FSTL5: variants seen among roughly 807,000 people sequenced by gnomAD.
FSTL5 encodes the protein follistatin-related protein 5.
FSTL5 carries 62 observed loss-of-function variants against 89.1 expected under a neutral mutation model. The observed-to-expected ratio is 0.70, with a 90% confidence interval of 0.57 to 0.86. The LOEUF (loss-of-function observed/expected upper bound fraction) is 0.86, where lower values mean the gene tolerates loss of function less well. Among genes scored for constraint, FSTL5 ranks in the 40% least tolerant of loss-of-function variants. The probability of loss-of-function intolerance (pLI) is 0.00; values close to 1 mark genes in which losing one functional copy is unlikely to be tolerated. For synonymous variants in FSTL5, 383 were observed against 346.2 expected (o/e 1.11, Z -1.18); for missense variants, 1,057 against 1,001.6 (o/e 1.06, Z -0.75).
intron 1 of FSTL5, among the ~76,000 whole-genome samples, chr4:162,119,921 C>T (rs541974541): frequency 6.6e-6 from 1 of 152,220 alleles, no homozygotes; most frequent in Non-Finnish European, 1.5e-5. Context: ...TTTTTCAATG[C>T]AGTGCTCCAT....
intron 2 of FSTL5, among the ~76,000 whole-genome samples, chr4:162,099,665 A>G (rs1262757277): frequency 6.6e-6 from 1 of 152,218 alleles, no homozygotes; most frequent in African/African-American, 2.4e-5. Context: ...AATATTTACA[A>G]AAGATATATC....
At chr4:162,076,303 G>A (rs1325539770) in intron 2 of FSTL5, among the ~76,000 whole-genome samples, 2 of 151,892 alleles carry the variant, frequency 1.3e-5, no homozygotes, top group African/African-American at 2.4e-5. Flanking sequence ...TGTGAGCTAA[G>A]CATTAATTGC....
At chr4:161,563,977 G>A (rs912241809) in intron 8 of FSTL5, among the ~76,000 whole-genome samples, 11 of 151,664 alleles carry the variant, frequency 7.3e-5, no homozygotes, top group Non-Finnish European at 1.0e-4. Flanking sequence ...ATGCTTATGC[G>A]TTAAAATATT....
chr4:161,936,925 G>T (rs1387620993), intron 3 of FSTL5, among the ~76,000 whole-genome samples: 2 of 152,106 alleles, frequency 1.3e-5, no homozygotes, highest in Non-Finnish European at 2.9e-5. Flanking sequence ...CCCTAAAAAT[G>T]ATTCACCCAG....
chr4:161,929,660 C>CGTGTGTGT (rs765281533), intron 3 of FSTL5, among the ~76,000 whole-genome samples: 1,457 of 126,876 alleles, frequency 0.011, 15 homozygotes, highest in South Asian at 0.019. Flanking sequence ...TAGGTAGGCA[C>CGTGTGTGT]GTGTGTGTGT....
intron 3 of FSTL5, among the ~76,000 whole-genome samples, chr4:161,953,427 A>G (rs959325161): frequency 6.6e-6 from 1 of 151,638 alleles, no homozygotes; most frequent in Non-Finnish European, 1.5e-5. Flanking sequence ...CCTGGAAAAA[A>G]ATACTATAAA....
At chr4:161,771,476 G>T (rs1381621012) in intron 5 of FSTL5, among the ~76,000 whole-genome samples, 1 of 152,030 alleles carries the variant, frequency 6.6e-6, no homozygotes, top group Non-Finnish European at 1.5e-5. Flanking sequence ...AAGTAGTAGA[G>T]ATGTGATTTG....
chr4:161,504,371 G>C (rs573544844), intron 11 of FSTL5, among the ~76,000 whole-genome samples: 1 of 151,978 alleles, frequency 6.6e-6, no homozygotes, highest in East Asian at 1.9e-4. Flanking sequence ...CTTCATGAAT[G>C]CATTGTGGTG....
intron 10 of FSTL5, among the ~76,000 whole-genome samples, chr4:161,514,629 G>C (rs1025809875): frequency 2.6e-5 from 4 of 151,964 alleles, no homozygotes; most frequent in Non-Finnish European, 4.4e-5. Context: ...TTTTTAAATA[G>C]ATAAATAAAT....
At chr4:162,037,677 T>C (rs981177553) in intron 2 of FSTL5, among the ~76,000 whole-genome samples, 1 of 151,882 alleles carries the variant, frequency 6.6e-6, no homozygotes, top group Non-Finnish European at 1.5e-5. Context: ...ACAAGAAATA[T>C]TTAAGAAGCA....
chr4:161,790,127 T>A (rs1195681469), intron 4 of FSTL5, among the ~76,000 whole-genome samples: 1 of 152,194 alleles, frequency 6.6e-6, no homozygotes, highest in Non-Finnish European at 1.5e-5. Context: ...TAAGTAGAAA[T>A]TCTTACAAGG....
At chr4:161,391,090 T>C (rs1186800928) in intron 15 of FSTL5, among the ~76,000 whole-genome samples, 1 of 152,190 alleles carries the variant, frequency 6.6e-6, no homozygotes. Context: ...CTCTATCCTG[T>C]TATAAAAACC....
intron 3 of FSTL5, among the ~76,000 whole-genome samples, chr4:161,979,270 G>C (rs1735749323): frequency 6.6e-6 from 1 of 152,110 alleles, no homozygotes; most frequent in African/African-American, 2.4e-5. Flanking sequence ...TCAGAAACAT[G>C]TGGCATAGAT....
chr4:162,023,704 G>C (rs1429270864), intron 3 of FSTL5, among the ~76,000 whole-genome samples: 3 of 152,146 alleles, frequency 2.0e-5, no homozygotes, highest in East Asian at 3.9e-4. Flanking sequence ...ATAGCTGATA[G>C]GATTGAAGAA....
At chr4:162,060,424 A>G (rs1738683971) in intron 2 of FSTL5, among the ~76,000 whole-genome samples, 1 of 152,078 alleles carries the variant, frequency 6.6e-6, no homozygotes, top group Non-Finnish European at 1.5e-5. Flanking sequence ...CTTAGTTTAT[A>G]TGATTAGAAT....
chr4:162,130,413 G>T (rs1732254090), intron 1 of FSTL5, among the ~76,000 whole-genome samples: 1 of 152,094 alleles, frequency 6.6e-6, no homozygotes, highest in Non-Finnish European at 1.5e-5. Flanking sequence ...GATTAGAAAG[G>T]CGTAAGAACT....
In FSTL5 at chr4:161,664,824, ATG is replaced by A. The variant is rs1459537663; in HGVS notation, c.728-8332_728-8331del. On this transcript the variant is annotated intron_variant, in intron 6 of 15. Coordinates refer to ENST00000306100, the MANE Select transcript of FSTL5 (RefSeq NM_020116.5). ...AGTTTAACTGGACTTACAATTCCACATGTCTGGGGAGGCCTCAGAATCATTGT... is the reference window on the plus strand; with the variant it reads ...AGTTTAACTGGACTTACAATTCCACATCTGGGGAGGCCTCAGAATCATTGT... 1.9e-5 allele frequency: 3 copies of A among 161,636 alleles called. No homozygotes were observed. In the Admixed American group the frequency reaches 1.9e-4, roughly 10 times the overall value. 10.0% of individuals were successfully genotyped at this position (161,636 alleles called of 1,614,324 possible).
chr4:161,477,984 A>C (rs2126448110), intron 13 of FSTL5, among the ~76,000 whole-genome samples: 1 of 152,174 alleles, frequency 6.6e-6, no homozygotes, highest in East Asian at 1.9e-4. Context: ...TTGGAAGTTA[A>C]ATATAATATA....
chr4:161,948,678 C>A (rs1734807208), intron 3 of FSTL5, among the ~76,000 whole-genome samples: 1 of 151,786 alleles, frequency 6.6e-6, no homozygotes, highest in Non-Finnish European at 1.5e-5. Context: ...GAACTCCTGA[C>A]CTCAGGTGAT....
Sources: gnomAD v4.1 joint callset for allele counts (sites outside exome capture counted in the v4.1 genomes callset) on GRCh38, gnomAD v4.1.1 for gene constraint, MANE v1.5 for transcripts, NCBI Gene and HGNC (gene_info 2026-07-23, HGNC 2026-07-21) for gene names.